Variants in TTC23L observed in about 807,000 individuals in gnomAD.
TTC23L encodes the protein tetratricopeptide repeat domain 23 like.
TTC23L carries 42 observed loss-of-function variants against 48.1 expected under a neutral mutation model. That is an observed-to-expected ratio of 0.87 (90% CI 0.68 to 1.13). TTC23L has a LOEUF of 1.13. Ranked by LOEUF, TTC23L falls within the 50% of genes most tolerant of loss-of-function variation. The pLI is 0.00. For missense variants in TTC23L, 391 were observed against 421.0 expected, an observed-to-expected ratio of 0.93 and a Z score of 0.62; for synonymous variants, 159 against 157.2, an observed-to-expected ratio of 1.01 and a Z score of -0.09.
At chr5:34,920,319 G>C in the TTC23L span, 5 of 152,428 alleles carry the variant, frequency 3.3e-5, no homozygotes, top group African/African-American at 1.2e-4. Flanking sequence ...AAACTGAATA[G>C]GTTACATTTT....
intron 1 of TTC23L, 105 bp from the exon 2 acceptor site, chr5:34,840,560 A>G: frequency 1.1e-6 from 1 of 907,268 alleles, no homozygotes; most frequent in Non-Finnish European, 1.8e-6. Context: ...GATGGGTTAT[A>G]TATTTGAGCA....
intron 9 of TTC23L, chr5:34,883,183 T>A (rs889673252): frequency 1.9e-5 from 3 of 155,568 alleles, no homozygotes; most frequent in Non-Finnish European, 4.3e-5. Flanking sequence ...ACTGTGGAAA[T>A]CAAGGGAATA....
chr5:34,890,618 C>T (rs779000076), intron 9 of TTC23L, among the ~76,000 whole-genome samples: 4 of 152,062 alleles, frequency 2.6e-5, no homozygotes, highest in Admixed American at 6.6e-5. Flanking sequence ...GCAGGCAAGG[C>T]TCCAGAACCC....
intron 1 of TTC23L, among the ~76,000 whole-genome samples, chr5:34,840,037 G>A (rs1410505288): frequency 6.6e-6 from 1 of 152,150 alleles, no homozygotes; most frequent in Non-Finnish European, 1.5e-5. Flanking sequence ...AACTACAGGC[G>A]TGCACCACCA....
intron 4 of TTC23L, 60 bp downstream of exon 4, chr5:34,850,368 A>T (rs1482048120): frequency 6.2e-7 from 1 of 1,607,130 alleles, no homozygotes; most frequent in African/African-American, 1.3e-5. Flanking sequence ...ACTGACCCAC[A>T]CAACCTCAGT....
chr5:34,889,089 ATTTG>A (rs921472424), intron 9 of TTC23L, among the ~76,000 whole-genome samples: 1 of 152,150 alleles, frequency 6.6e-6, no homozygotes, highest in Non-Finnish European at 1.5e-5. Context: ...TATCATTGAC[ATTTG>A]TTTGTCTCAG....
the TTC23L span, among the ~76,000 whole-genome samples, chr5:34,919,283 A>T: frequency 6.7e-6 from 1 of 149,652 alleles, no homozygotes; most frequent in East Asian, 1.9e-4. Flanking sequence ...TCAAAAAAAA[A>T]AAAAAAAAAA....
At chr5:34,915,573 G>C in the TTC23L span, 1 of 831,338 alleles carries the variant, frequency 1.2e-6, no homozygotes. Flanking sequence ...GCTGAAGGAG[G>C]CCTAGAGAGC....
chr5:34,880,295 A>G (rs757208116), exon 9 of TTC23L: 1 of 1,610,640 alleles, frequency 6.2e-7, no homozygotes, highest in Non-Finnish European at 8.5e-7. Flanking sequence ...CTTGTCCAAA[A>G]TGGAGAAAAA....
At chr5:34,911,954 G>T in the TTC23L span, 105 of 992,010 alleles carry the variant, frequency 1.1e-4, no homozygotes, top group East Asian at 2.4e-3. Context: ...AAAAAGGGAT[G>T]ACATCTTCCC....
At chr5:34,904,380 G>A (rs1183876093), downstream of TTC23L, among the ~76,000 whole-genome samples, 1 of 151,552 alleles carries the variant, frequency 6.6e-6, no homozygotes, top group African/African-American at 2.4e-5. Context: ...AGGATCACAA[G>A]GTCAAAAGAT....
the TTC23L span, among the ~76,000 whole-genome samples, chr5:34,911,024 T>C: frequency 6.6e-6 from 1 of 152,216 alleles, no homozygotes; most frequent in African/African-American, 2.4e-5. Context: ...GTGTGTGCTA[T>C]CTTGGTACTT....
chr5:34,845,631 C>G (rs758900932), exon 3 of TTC23L: 3 of 1,613,468 alleles, frequency 1.9e-6, no homozygotes, highest in Admixed American at 1.7e-5. Context: ...AGAAATTAGC[C>G]CAATCCCAGA....
At chr5:34,861,752 G>A (rs1392547439) in intron 4 of TTC23L, among the ~76,000 whole-genome samples, 1 of 152,200 alleles carries the variant, frequency 6.6e-6, no homozygotes, top group Non-Finnish European at 1.5e-5. Flanking sequence ...TAGGACTGGG[G>A]CTGGTGGTGT....
chr5:34,903,426 T>C (rs2111910622), downstream of TTC23L, among the ~76,000 whole-genome samples: 1 of 152,010 alleles, frequency 6.6e-6, no homozygotes, highest in African/African-American at 2.4e-5. Context: ...CTTATCAACA[T>C]CTCCCACCAG....
chr5:34,880,281 A>C, exon 9 of TTC23L: 1 of 1,612,658 alleles, frequency 6.2e-7, no homozygotes, highest in South Asian at 1.1e-5. Flanking sequence ...AATTTTGCAA[A>C]TGGCTTGTCC....
At chr5:34,915,604 G>C in the TTC23L span, 2 of 1,176,750 alleles carry the variant, frequency 1.7e-6, no homozygotes, top group Non-Finnish European at 2.3e-6. Context: ...GCGCCACCGA[G>C]ACCGGAAGGA....
At chr5:34,917,617 G>T in the TTC23L span, among the ~76,000 whole-genome samples, 1 of 152,162 alleles carries the variant, frequency 6.6e-6, no homozygotes, top group South Asian at 2.1e-4. Flanking sequence ...TCCAGCCTGG[G>T]TGACAGAGTG....
rs1561135317 is a variant in TTC23L, at chr5:34,863,250, T to A, written c.536+196T>A. On this transcript the variant is annotated intron_variant, in intron 5 of 10. Coordinates refer to ENST00000505624, the Ensembl canonical transcript of TTC23L. This position sits in a 1 kb window ranked among gnomAD's most constrained non-coding sequence, Gnocchi z 4.1. ...TTCCTATGTCTATTCATATAAGCTC[T>A]GAGTTGAGCCACGGAAGAGATTTCA... Among the ~76,000 whole-genome samples the A allele has an allele frequency of 6.6e-6, 1 of 152,176 alleles. No individual in the cohort carries two copies. The highest frequency in any genetic ancestry group is 1.5e-5 in the Non-Finnish European group (1 of 68,044).
Sources: allele counts gnomAD v4.1 joint callset (sites outside exome capture counted in the v4.1 genomes callset), GRCh38; gene constraint gnomAD v4.1.1; non-coding constraint Gnocchi (gnomAD v3.1); transcripts MANE v1.5; gene names NCBI Gene and HGNC (gene_info 2026-07-23, HGNC 2026-07-21).